PPM1L: variants seen among roughly 807,000 people sequenced by gnomAD.
The protein encoded by PPM1L is protein phosphatase, Mg2+/Mn2+ dependent 1L.
Under a neutral mutation model 31.4 loss-of-function variants are expected in PPM1L, and 13 were observed. The ratio of observed to expected loss-of-function variants is 0.41; its 90% CI spans 0.27 to 0.66. The LOEUF (loss-of-function observed/expected upper bound fraction) is 0.66. Ranked by LOEUF, PPM1L falls within the 30% of genes least tolerant of loss-of-function variation. The probability of loss-of-function intolerance (pLI) is 0.29; values close to 1 mark genes in which losing one functional copy is unlikely to be tolerated. For synonymous variants in PPM1L, 184 were observed against 175.4 expected (o/e 1.05, Z -0.39); for missense variants, 326 against 453.7 (o/e 0.72, Z 2.56).
intron 1 of PPM1L, among the ~76,000 whole-genome samples, chr3:160,777,002 C>G (rs1711576193): frequency 6.6e-6 from 1 of 151,890 alleles, no homozygotes; most frequent in Non-Finnish European, 1.5e-5. Flanking sequence ...GTTAACCTTT[C>G]CATTTCTTCT....
intron 1 of PPM1L, among the ~76,000 whole-genome samples, chr3:160,906,714 C>T (rs1038424657): frequency 6.6e-6 from 1 of 152,204 alleles, no homozygotes; most frequent in Non-Finnish European, 1.5e-5. Context: ...TGGCTGAATG[C>T]TCATCTGAAG....
At chr3:160,782,152 C>T (rs1711764749) in intron 1 of PPM1L, among the ~76,000 whole-genome samples, 1 of 151,758 alleles carries the variant, frequency 6.6e-6, no homozygotes, top group African/African-American at 2.4e-5. Context: ...AGCAGTCACT[C>T]TCCCTATTCT....
intron 1 of PPM1L, among the ~76,000 whole-genome samples, chr3:160,910,255 C>T (rs929707288): frequency 9.1e-4 from 13 of 14,246 alleles, no homozygotes; most frequent in Admixed American, 2.3e-3. Context: ...CTTTCCCCTT[C>T]CCCTTTCCCC....
At chr3:160,943,577 C>T (rs1576730134) in intron 1 of PPM1L, among the ~76,000 whole-genome samples, 2 of 152,128 alleles carry the variant, frequency 1.3e-5, no homozygotes, top group African/African-American at 4.8e-5. Context: ...TGAGAATTTA[C>T]CTAGTTCTTA....
At chr3:161,042,731 GT>G (rs1483998404) in intron 2 of PPM1L, among the ~76,000 whole-genome samples, 1 of 152,072 alleles carries the variant, frequency 6.6e-6, no homozygotes, top group Non-Finnish European at 1.5e-5. Context: ...AACATTGTGG[GT>G]TTTTTTGGCC....
At chr3:160,814,733 A>ACG (rs1401115985) in intron 1 of PPM1L, among the ~76,000 whole-genome samples, 138 of 147,504 alleles carry the variant, frequency 9.4e-4, no homozygotes, top group African/African-American at 3.5e-3. Context: ...ACGTGTATAT[A>ACG]TGTATATATG....
At chr3:160,809,488 T>G (rs1281470038) in intron 1 of PPM1L, among the ~76,000 whole-genome samples, 1 of 151,962 alleles carries the variant, frequency 6.6e-6, no homozygotes, top group Admixed American at 6.6e-5. Flanking sequence ...GTTGTGGGAG[T>G]TCAGAGTATA....
chr3:160,882,050 CAA>C (rs35341382), intron 1 of PPM1L, among the ~76,000 whole-genome samples: 3 of 125,898 alleles, frequency 2.4e-5, no homozygotes, highest in Admixed American at 8.4e-5. Flanking sequence ...GACTCTGTCT[CAA>C]AAAAAAAAAA....
chr3:161,026,336 G>A (rs1718386224), intron 2 of PPM1L, among the ~76,000 whole-genome samples: 1 of 152,194 alleles, frequency 6.6e-6, no homozygotes, highest in Admixed American at 6.5e-5. Flanking sequence ...ATCCACAGCT[G>A]CTGAGGAAGA....
At chr3:160,776,287 C>T (rs1388890437) in intron 1 of PPM1L, among the ~76,000 whole-genome samples, 1 of 152,068 alleles carries the variant, frequency 6.6e-6, no homozygotes, top group Non-Finnish European at 1.5e-5. Flanking sequence ...TTAACTCCTT[C>T]ATCCATGGGA....
intron 2 of PPM1L, chr3:161,022,132 A>ATTTT: frequency 4.9e-6 from 3 of 614,246 alleles, no homozygotes; most frequent in African/African-American, 2.0e-5. Flanking sequence ...TTTTAATTCC[A>ATTTT]TTTTTTTTTT....
At chr3:160,910,243 T>TCCCCTTCCCCTTCC (rs565806443) in intron 1 of PPM1L, among the ~76,000 whole-genome samples, 1 of 28,944 alleles carries the variant, frequency 3.5e-5, no homozygotes, top group Admixed American at 4.4e-4. Context: ...CCTTCCCCTT[T>TCCCCTTCCCCTTCC]CCTTTCCCCT....
At chr3:160,924,292 AG>A (rs1180792317) in intron 1 of PPM1L, among the ~76,000 whole-genome samples, 2 of 152,228 alleles carry the variant, frequency 1.3e-5, no homozygotes, top group Admixed American at 1.3e-4. Flanking sequence ...GATACATTGA[AG>A]AATCCAATCT....
At chr3:160,796,451 C>T (rs932584533) in intron 1 of PPM1L, among the ~76,000 whole-genome samples, 1 of 152,168 alleles carries the variant, frequency 6.6e-6, no homozygotes, top group Non-Finnish European at 1.5e-5. Flanking sequence ...CATTAAATGT[C>T]TTCCTTTGGG....
chr3:160,953,482 T>TCAAAATGAGTAACGTAA (rs1715637809), intron 1 of PPM1L, among the ~76,000 whole-genome samples: 1 of 152,198 alleles, frequency 6.6e-6, no homozygotes, highest in Non-Finnish European at 1.5e-5. Context: ...CCACTAAAGG[T>TCAAAATGAGTAACGTAA]CAAAATGAGT....
chr3:160,826,169 G>A (rs905764046), intron 1 of PPM1L, among the ~76,000 whole-genome samples: 1 of 152,116 alleles, frequency 6.6e-6, no homozygotes, highest in Non-Finnish European at 1.5e-5. Context: ...CGACTTCTCT[G>A]TAGGTAAAAG....
chr3:161,061,510 C>G (rs931184172), intron 2 of PPM1L, among the ~76,000 whole-genome samples: 2 of 152,056 alleles, frequency 1.3e-5, no homozygotes, highest in African/African-American at 4.8e-5. Context: ...CTCTTCATGT[C>G]CATAGGTTGT....
chr3:160,850,884 T>G (rs6778724), intron 1 of PPM1L, among the ~76,000 whole-genome samples: 3,677 of 137,608 alleles, frequency 0.027, 157 homozygotes, highest in African/African-American at 0.092. Flanking sequence ...TTTTTTTTGG[T>G]GGGGGGGGGG....
intron 1 of PPM1L, among the ~76,000 whole-genome samples, chr3:160,762,243 AT>A (rs541419390): frequency 8.5e-5 from 13 of 152,162 alleles, no homozygotes; most frequent in Non-Finnish European, 1.6e-4. Flanking sequence ...CAAATGCCTT[AT>A]GGTTTAAGAG....
Sources: allele counts gnomAD v4.1 joint callset (sites outside exome capture counted in the v4.1 genomes callset), GRCh38; gene constraint gnomAD v4.1.1; transcripts MANE v1.5; gene names NCBI Gene and HGNC (gene_info 2026-07-23, HGNC 2026-07-21).